CELF2: variants seen among roughly 807,000 people sequenced by gnomAD.
CELF2 encodes CUG triplet repeat RNA-binding protein 2.
In CELF2, 8 loss-of-function variants were observed where a neutral mutation model predicts 62.6. That is an observed-to-expected ratio of 0.13 (90% CI 0.07 to 0.23). The LOEUF (loss-of-function observed/expected upper bound fraction) is 0.23, where lower values mean the gene tolerates loss of function less well. CELF2 is among the 10% of genes least tolerant of loss of function. CELF2 has a pLI of 1.00. For synonymous variants in CELF2, 258 were observed against 250.0 expected (o/e 1.03, Z -0.30); for missense variants, 333 against 671.0 (o/e 0.50, Z 5.56).
chr10:11,256,256 T>C (rs2078701214), intron 4 of CELF2, among the ~76,000 whole-genome samples: 2 of 152,212 alleles, frequency 1.3e-5, no homozygotes, highest in Admixed American at 1.3e-4. Flanking sequence ...CTTTAGTTTC[T>C]GTGTCAACAG....
At chr10:10,597,350 T>C in the CELF2 span, among the ~76,000 whole-genome samples, 2 of 152,200 alleles carry the variant, frequency 1.3e-5, no homozygotes, top group Non-Finnish European at 2.9e-5. Flanking sequence ...CTTGAGAATA[T>C]AGATTATTTG....
Position 11,039,691 on chromosome 10 carries a change from C to G in CELF2, c.74+21528C>G, listed in dbSNP as rs2061504189. ...GTTAAGTGTACTTCATAATTTTGAT[C>G]ATTGAACCAGGAACATTATGTACCA... On this transcript the variant is annotated intron_variant, in intron 1 of 12. Transcript: ENST00000633077. The surrounding 1 kb of genome is among the most constrained non-coding windows in gnomAD (Gnocchi z 4.1). Among the ~76,000 whole-genome samples, 1 of 152,188 alleles carries G rather than the reference C, an allele frequency of 6.6e-6. No homozygotes were observed. Among genetic ancestry groups the G allele is most frequent in the South Asian group, 2.1e-4 (1 of 4,832 alleles).
chr10:11,202,590 C>T (rs989767018), intron 2 of CELF2, among the ~76,000 whole-genome samples: 1 of 152,168 alleles, frequency 6.6e-6, no homozygotes, highest in Non-Finnish European at 1.5e-5. Context: ...TAGCCTGTGA[C>T]AGTTATATTC....
intron 9 of CELF2, among the ~76,000 whole-genome samples, chr10:11,313,643 T>C (rs1308676258): frequency 1.3e-5 from 2 of 152,160 alleles, no homozygotes; most frequent in African/African-American, 4.8e-5. Context: ...TGACAATTAA[T>C]TTTAATCTGA....
chr10:10,852,322 G>T (rs569411826), intron 1 of CELF2, among the ~76,000 whole-genome samples: 10 of 152,290 alleles, frequency 6.6e-5, no homozygotes, highest in African/African-American at 2.4e-4. Flanking sequence ...GGATTATACT[G>T]AATGAAAAAA....
the CELF2 span, among the ~76,000 whole-genome samples, chr10:10,640,457 C>T: frequency 2.0e-5 from 3 of 152,208 alleles, no homozygotes; most frequent in Admixed American, 6.5e-5. Flanking sequence ...TCTCCAATAT[C>T]CCCTTCCCCT....
the CELF2 span, among the ~76,000 whole-genome samples, chr10:10,784,114 C>CACTGAAATGGGAGA: frequency 1.3e-5 from 2 of 152,332 alleles, no homozygotes; most frequent in Non-Finnish European, 2.9e-5. Flanking sequence ...CAACCCATCT[C>CACTGAAATGGGAGA]ACTGAAATGG....
At chr10:10,974,033 TG>T (rs1460493661) in intron 2 of CELF2, among the ~76,000 whole-genome samples, 1 of 152,194 alleles carries the variant, frequency 6.6e-6, no homozygotes, top group Admixed American at 6.5e-5. Context: ...ACATGGACTT[TG>T]GGGTCAGACA....
At chr10:10,541,726 A>T in the CELF2 span, among the ~76,000 whole-genome samples, 1 of 152,184 alleles carries the variant, frequency 6.6e-6, no homozygotes, top group Non-Finnish European at 1.5e-5. Context: ...GGTCACTTTC[A>T]TTGCCATCTT....
At chr10:11,077,347 G>A (rs2141225313) in intron 1 of CELF2, among the ~76,000 whole-genome samples, 1 of 149,402 alleles carries the variant, frequency 6.7e-6, no homozygotes, top group Middle Eastern at 3.4e-3. Flanking sequence ...TACAGGGAAA[G>A]TAAGGAAACA....
intron 1 of CELF2, among the ~76,000 whole-genome samples, chr10:10,850,783 A>T (rs890623147): frequency 6.6e-6 from 1 of 152,078 alleles, no homozygotes; most frequent in African/African-American, 2.4e-5. Flanking sequence ...GGAAACTGAG[A>T]CATAGATATT....
rs766195339 is a variant in CELF2 at position 10,934,045 on chromosome 10, T to C, written c.89+14046T>C. ...CTGATTTCCGTAATGGCTATGCTAA[T>C]GTACATTCCCACAAACAGTATACAA... On this transcript the variant is annotated intron_variant, in intron 2 of 13. Transcript: ENST00000636488. This position sits in a 1 kb window ranked among gnomAD's most constrained non-coding sequence, Gnocchi z 4.4. Among the ~76,000 whole-genome samples the C allele has an allele frequency of 2.0e-5, 3 of 152,228 alleles. No individual in the cohort carries two copies. Among genetic ancestry groups the C allele is most frequent in the Admixed American group, 6.5e-5 (1 of 15,288 alleles).
At chr10:11,283,927 T>G (rs2090021029) in intron 8 of CELF2, among the ~76,000 whole-genome samples, 2 of 141,154 alleles carry the variant, frequency 1.4e-5, no homozygotes, top group African/African-American at 2.7e-5. Context: ...GGATGATGGA[T>G]GAGTGTGTGG....
chr10:10,651,377 A>C, the CELF2 span, among the ~76,000 whole-genome samples: 7,277 of 146,360 alleles, frequency 0.05, 247 homozygotes, highest in African/African-American at 0.093. Flanking sequence ...CCACAGCTCA[A>C]GGAGGCCTGC....
the CELF2 span, among the ~76,000 whole-genome samples, chr10:10,771,374 G>A: frequency 6.6e-6 from 1 of 152,124 alleles, no homozygotes; most frequent in Non-Finnish European, 1.5e-5. Flanking sequence ...GCAGAAGCCT[G>A]TCTTTAGAAC....
intron 2 of CELF2, among the ~76,000 whole-genome samples, chr10:10,953,770 T>G (rs1295311500): frequency 6.6e-6 from 1 of 151,702 alleles, no homozygotes; most frequent in Non-Finnish European, 1.5e-5. Flanking sequence ...TTTGAGAAAT[T>G]CTGCTTGGCA....
the CELF2 span, among the ~76,000 whole-genome samples, chr10:10,571,718 G>A: frequency 6.6e-6 from 1 of 152,186 alleles, no homozygotes; most frequent in African/African-American, 2.4e-5. Flanking sequence ...GTAAGGCTGA[G>A]TCGGACAGCA....
chr10:10,854,811 T>G (rs2059607076), intron 1 of CELF2, among the ~76,000 whole-genome samples: 1 of 151,870 alleles, frequency 6.6e-6, no homozygotes, highest in African/African-American at 2.4e-5. Context: ...CCTCTCCAAG[T>G]CAACATCATT....
intron 3 of CELF2, among the ~76,000 whole-genome samples, chr10:11,238,773 T>C (rs2072582444): frequency 6.6e-6 from 1 of 152,226 alleles, no homozygotes; most frequent in African/African-American, 2.4e-5. Flanking sequence ...TTTTTTTGAG[T>C]AGCAGTGCTT....
Sources: gnomAD v4.1 joint callset for allele counts (sites outside exome capture counted in the v4.1 genomes callset) on GRCh38, gnomAD v4.1.1 for gene constraint, Gnocchi (gnomAD v3.1) non-coding constraint, MANE v1.5 for transcripts, NCBI Gene and HGNC (gene_info 2026-07-23, HGNC 2026-07-21) for gene names.